Variants in GAN observed in about 807,000 individuals in gnomAD.
GAN encodes the protein epididymis secretory sperm binding protein.
GAN carries 48 observed loss-of-function variants against 71.3 expected under a neutral mutation model. That is an observed-to-expected ratio of 0.67 (90% CI 0.53 to 0.86). GAN has a LOEUF of 0.86. GAN is among the 40% of genes least tolerant of loss of function. The pLI is 0.00. For missense variants in GAN, 928 were observed against 770.1 expected (o/e 1.21, Z -2.43); for synonymous variants, 386 against 276.8 (o/e 1.39, Z -3.92).
At chr16:81,349,654 A>T (rs1597399067) in intron 1 of GAN, among the ~76,000 whole-genome samples, 2 of 152,342 alleles carry the variant, frequency 1.3e-5, no homozygotes, top group African/African-American at 4.8e-5. Flanking sequence ...AAAAACAAAA[A>T]TAAAAGAAAT....
intron 3 of GAN, 135 bp from the exon 4 acceptor site, chr16:81,356,650 C>T (rs1038809816): frequency 7.9e-6 from 6 of 757,720 alleles, no homozygotes; most frequent in South Asian, 4.2e-5. Flanking sequence ...TCAAGCAGCA[C>T]GAGTGTGTCT....
In GAN at chr16:81,386,326, T is replaced by C. The variant is rs551569371; in HGVS notation, c.*8730T>C. 4.6e-5 allele frequency: 7 copies of C among 152,360 alleles called. No homozygotes were observed. The South Asian group carries it at 1.5e-3, about 32-fold the overall frequency. The allele number at this position is 152,360 out of a possible 1,614,324, so 9.4% of individuals were successfully genotyped here. A position where few individuals can be genotyped will look rare whatever the true frequency, so the allele number is the denominator to read the frequency against. On this transcript the variant is annotated 3_prime_UTR_variant, in exon 11 of 11. Coordinates refer to ENST00000648994, the MANE Select transcript of GAN (RefSeq NM_022041.4). The stretch of plus-strand genomic sequence containing the variant: ...CGAGATAATTCCTAGATCTCTGTTT[T>C]AGACCAGTAGACCTAACTGTGCTTT...
chr16:81,356,284 T>C (rs1910483118), intron 3 of GAN, among the ~76,000 whole-genome samples: 1 of 152,226 alleles, frequency 6.6e-6, no homozygotes, highest in Non-Finnish European at 1.5e-5. Context: ...GAACAGTAAT[T>C]ACTGCAAAAA....
intron 1 of GAN, among the ~76,000 whole-genome samples, chr16:81,328,357 A>G (rs888177074): frequency 6.6e-6 from 1 of 152,194 alleles, no homozygotes; most frequent in Non-Finnish European, 1.5e-5. Context: ...TGTAATGCCC[A>G]TAGTTGTCAT....
intron 9 of GAN, among the ~76,000 whole-genome samples, chr16:81,370,835 A>C (rs1288759706): frequency 6.6e-6 from 1 of 152,092 alleles, no homozygotes; most frequent in Non-Finnish European, 1.5e-5. Context: ...CCATCCTTTT[A>C]CTTACTTTGG....
At chr16:81,356,707 G>T in intron 3 of GAN, 78 bp from the exon 4 acceptor site, 1 of 1,002,690 alleles carries the variant, frequency 1.0e-6, no homozygotes. Flanking sequence ...TTTTCCATGA[G>T]GTGGAAAATG....
chr16:81,373,599 C>A (rs1261933021), intron 9 of GAN, among the ~76,000 whole-genome samples: 2 of 152,110 alleles, frequency 1.3e-5, no homozygotes, highest in Non-Finnish European at 2.9e-5. Context: ...TTTATGTTGT[C>A]CAAAATTATT....
At chr16:81,352,837 A>G (rs943210794) in intron 2 of GAN, among the ~76,000 whole-genome samples, 3 of 152,216 alleles carry the variant, frequency 2.0e-5, no homozygotes, top group African/African-American at 7.2e-5. Flanking sequence ...AACCAGGGCT[A>G]AGACCAACCT....
At chr16:81,331,748 A>G (rs1401815534) in intron 1 of GAN, among the ~76,000 whole-genome samples, 1 of 152,200 alleles carries the variant, frequency 6.6e-6, no homozygotes, top group Non-Finnish European at 1.5e-5. Context: ...ATATAGAGCA[A>G]ATCTCTAAAT....
chr16:81,345,806 A>T (rs1177171983), intron 1 of GAN, among the ~76,000 whole-genome samples: 1 of 152,154 alleles, frequency 6.6e-6, no homozygotes, highest in East Asian at 1.9e-4. Context: ...CCCCCATCCT[A>T]CCACTGTCTG....
intron 1 of GAN, among the ~76,000 whole-genome samples, chr16:81,342,545 G>A (rs560429726): frequency 2.0e-4 from 30 of 152,238 alleles, no homozygotes; most frequent in African/African-American, 4.6e-4. Context: ...GGTAAATAAC[G>A]AAATGAAGGC....
At position 81,386,545 on chromosome 16, in the gene GAN, C is replaced by G. The variant is rs554089476; in HGVS notation, c.*8949C>G. 1 of 152,326 alleles carries G rather than the reference C, an allele frequency of 6.6e-6. No individual in the cohort carries two copies. Among genetic ancestry groups the G allele is most frequent in the East Asian group, 1.9e-4 (1 of 5,186 alleles). 9.4% of individuals were successfully genotyped at this position (152,326 alleles called of 1,614,324 possible). A position where few individuals can be genotyped will look rare whatever the true frequency, so the allele number is the denominator to read the frequency against. On this transcript the variant is annotated 3_prime_UTR_variant, in exon 11 of 11. Transcript: ENST00000648994. Reference sequence around the variant, plus strand: ...TTCTATGGTATCATACACTTCTTTTCCTGGTTAGGTTATGAGACTGGCAGA... The same window carrying G: ...TTCTATGGTATCATACACTTCTTTTGCTGGTTAGGTTATGAGACTGGCAGA...
At chr16:81,357,072 C>T (rs550138204) in intron 4 of GAN, 70 bp downstream of exon 4, 22 of 951,914 alleles carry the variant, frequency 2.3e-5, no homozygotes, top group Non-Finnish European at 3.5e-5. Context: ...AACAAGAATT[C>T]ATAATGCTTT....
At position 81,338,803 on chromosome 16, in the gene GAN, T is replaced by C. The variant is rs573991148; in HGVS notation, c.168-12780T>C. 1.6e-3 allele frequency among the ~76,000 whole-genome samples: 239 copies of C among 152,278 alleles called. 1 individual carries two copies. Among genetic ancestry groups the C allele is most frequent in the African/African-American group, 5.5e-3 (230 of 41,562 alleles). Reference sequence around the variant, plus strand: ...GGAGCAAGACTGCTTCCGGATAGATTTGAGTGATGCTTACAGTCCAAGACT... The same window carrying C: ...GGAGCAAGACTGCTTCCGGATAGATCTGAGTGATGCTTACAGTCCAAGACT... On this transcript the variant is annotated intron_variant, in intron 1 of 10. Coordinates refer to ENST00000648994, the MANE Select transcript of GAN (RefSeq NM_022041.4).
At chr16:81,327,845 A>G (rs1331897532) in intron 1 of GAN, among the ~76,000 whole-genome samples, 2 of 152,222 alleles carry the variant, frequency 1.3e-5, no homozygotes, top group East Asian at 3.8e-4. Flanking sequence ...TGGGGGTCTT[A>G]AGGTTATATA....
Position 81,365,052 on chromosome 16 carries a change from G to A in GAN, c.1315G>A (p.Glu439Lys), listed in dbSNP as rs2150691652. Residue 439 changes from glutamate to lysine, a missense_variant, in exon 8 of 11, where the codon GAG (glutamate) becomes AAG (lysine). Transcript: ENST00000648994. ...CTACGGAAAGCTTTTTGAGTCTGTA[G>A]AGTGTTATGATCCCAGGACCCAGCA... is the stretch of plus-strand genomic sequence containing the variant. ...GSYGKLFESV[E>K]CYDPRTQQWT... 2.5e-6 allele frequency: 4 copies of A among 1,613,804 alleles called. No homozygotes were observed. Among genetic ancestry groups the A allele is most frequent in the Non-Finnish European group, 3.4e-6 (4 of 1,179,694 alleles).
In GAN at chr16:81,381,934, G is replaced by A. The variant is rs1018558090; in HGVS notation, c.*4338G>A. 2 of 152,120 alleles carry A rather than the reference G, an allele frequency of 1.3e-5. No individual in the cohort carries two copies. Among genetic ancestry groups the A allele is most frequent in the African/African-American group, 4.8e-5 (2 of 41,396 alleles). The allele number at this position is 152,120 out of a possible 1,614,324, so 9.4% of individuals were successfully genotyped here. On this transcript the variant is annotated 3_prime_UTR_variant, in exon 11 of 11. Transcript: ENST00000648994. Reference sequence around the variant, plus strand: ...CTGAAACTAGTATAGCATAAACAATGCCAAGTGCCTGATGTACATGATGTA... The same window carrying A: ...CTGAAACTAGTATAGCATAAACAATACCAAGTGCCTGATGTACATGATGTA...
intron 5 of GAN, among the ~76,000 whole-genome samples, chr16:81,360,815 A>G (rs1244562591): frequency 6.6e-6 from 1 of 152,106 alleles, no homozygotes; most frequent in East Asian, 1.9e-4. Flanking sequence ...GGTTACTATA[A>G]TATTTGAAAT....
chr16:81,373,602 A>G (rs1165801156), intron 9 of GAN, among the ~76,000 whole-genome samples: 32 of 152,166 alleles, frequency 2.1e-4, no homozygotes, highest in Admixed American at 2.0e-3. Flanking sequence ...ATGTTGTCCA[A>G]AATTATTAAG....
Sources: gnomAD v4.1 joint callset for allele counts (sites outside exome capture counted in the v4.1 genomes callset) on GRCh38, gnomAD v4.1.1 for gene constraint, MANE v1.5 for transcripts, NCBI Gene and HGNC (gene_info 2026-07-23, HGNC 2026-07-21) for gene names.